Variants in TRPM3 observed in about 807,000 individuals in gnomAD.
TRPM3 encodes the protein transient receptor potential cation channel subfamily M member 3.
Under a neutral mutation model 181.2 loss-of-function variants are expected in TRPM3, and 77 were observed. The observed-to-expected ratio is 0.42, with a 90% CI of 0.35 to 0.51. TRPM3 has a LOEUF of 0.51. TRPM3 is among the 20% of genes least tolerant of loss of function. TRPM3 has a pLI of 0.01. For synonymous variants in TRPM3, 745 were observed against 796.4 expected, an observed-to-expected ratio of 0.94 and a Z score of 1.09; for missense variants, 1,759 against 2,196.7, an observed-to-expected ratio of 0.80 and a Z score of 3.98.
chr9:70,811,241 C>G, intron 6 of TRPM3: 1 of 1,607,276 alleles, frequency 6.2e-7, no homozygotes, highest in South Asian at 1.1e-5. Flanking sequence ...AAACGGCAGG[C>G]ATCCTGTCAA....
intron 3 of TRPM3, among the ~76,000 whole-genome samples, chr9:70,855,489 A>C (rs532833695): frequency 2.0e-5 from 3 of 152,206 alleles, no homozygotes; most frequent in Non-Finnish European, 4.4e-5. Context: ...TCTCTCGGAA[A>C]TATTAAATGA....
rs568101397 is a variant in TRPM3, at chr9:70,855,481, T to C, written c.462+7427A>G. Among the ~76,000 whole-genome samples the C allele has an allele frequency of 2.0e-5, 3 of 152,296 alleles. No individual in the cohort carries two copies. The South Asian group carries it at 6.2e-4, about 32-fold the overall frequency. The stretch of plus-strand genomic sequence containing the variant: ...TGCAGAACAATGAATCTGGCTACTC[T>C]CTCGGAAATATTAAATGACAGGTCC... On this transcript the variant is annotated intron_variant, in intron 3 of 25. Coordinates refer to ENST00000677713, the MANE Select transcript of TRPM3 (RefSeq NM_001366145.2).
chr9:70,665,265 CTG>C (rs2061689988), intron 9 of TRPM3, among the ~76,000 whole-genome samples: 2 of 152,008 alleles, frequency 1.3e-5, no homozygotes, highest in African/African-American at 4.8e-5. Context: ...CTCTGAAGAA[CTG>C]TTCTTAGTTT....
intron 1 of TRPM3, among the ~76,000 whole-genome samples, chr9:71,227,312 G>A (rs1190838300): frequency 6.6e-6 from 1 of 151,714 alleles, no homozygotes; most frequent in Non-Finnish European, 1.5e-5. Context: ...AATGATAAAG[G>A]AGCCACACAT....
chr9:71,334,096 T>G (rs2090399001), intron 1 of TRPM3, among the ~76,000 whole-genome samples: 1 of 151,812 alleles, frequency 6.6e-6, no homozygotes, highest in African/African-American at 2.4e-5. Flanking sequence ...CTAATTTTTC[T>G]TCTAAAGTAT....
rs186960943 is a variant in TRPM3 at position 71,335,088 on chromosome 9, C to T, written c.183+111565G>A. On this transcript the variant is annotated intron_variant, in intron 1 of 24. Transcript: ENST00000357533. ...CTAGAAGGTATTAGGAAGGAGATCA[C>T]GGGTAACCAAAAAATTATGGATAAA... is the stretch of plus-strand genomic sequence containing the variant. Among the ~76,000 whole-genome samples, 7 of 152,146 alleles carry T rather than the reference C, an allele frequency of 4.6e-5. No individual in the cohort carries two copies. The East Asian group carries it at 7.7e-4, about 17-fold the overall frequency.
rs991962922 is a variant in TRPM3, at chr9:71,160,978, G to A, written c.183+285675C>T. Reference sequence around the variant, plus strand: ...TCCCAATTCAATGTAAATCAATTCAGCCTAATTAAATGGGAAGTTTCCTCC... The same window carrying A: ...TCCCAATTCAATGTAAATCAATTCAACCTAATTAAATGGGAAGTTTCCTCC... On this transcript the variant is annotated intron_variant, in intron 1 of 24. Coordinates refer to the TRPM3 transcript ENST00000357533. Among the ~76,000 whole-genome samples, 4 of 152,060 alleles carry A rather than the reference G, an allele frequency of 2.6e-5. No homozygotes were observed. The South Asian group carries it at 8.3e-4, about 32-fold the overall frequency.
chr9:70,685,606 T>C (rs1198132078), intron 8 of TRPM3, among the ~76,000 whole-genome samples: 3 of 152,150 alleles, frequency 2.0e-5, no homozygotes, highest in African/African-American at 7.2e-5. Context: ...GGGGTCTCAC[T>C]ATGTTGCCCA....
chr9:71,376,130 G>A (rs2092659698), intron 1 of TRPM3, among the ~76,000 whole-genome samples: 1 of 151,874 alleles, frequency 6.6e-6, no homozygotes, highest in Non-Finnish European at 1.5e-5. Context: ...AATTTGGGTG[G>A]TGAGGAGGTG....
intron 1 of TRPM3, among the ~76,000 whole-genome samples, chr9:71,029,960 G>T (rs2057080502): frequency 6.6e-6 from 1 of 151,984 alleles, no homozygotes; most frequent in African/African-American, 2.4e-5. Flanking sequence ...CTACTCAAGG[G>T]GTCCAAGTAC....
At chr9:70,844,904 G>A (rs1423264424) in intron 4 of TRPM3, among the ~76,000 whole-genome samples, 2 of 152,164 alleles carry the variant, frequency 1.3e-5, no homozygotes, top group African/African-American at 4.8e-5. Flanking sequence ...ATAATCACAA[G>A]CCAATGAGGC....
At chr9:71,082,123 TGTTCA>T (rs72214675) in intron 1 of TRPM3, among the ~76,000 whole-genome samples, 35,213 of 151,900 alleles carry the variant, frequency 0.23, 4,746 homozygotes, top group East Asian at 0.39. Context: ...GTTAAGTGTG[TGTTCA>T]GTTATCAGTC....
intron 1 of TRPM3, among the ~76,000 whole-genome samples, chr9:71,267,716 C>T (rs112406172): frequency 0.011 from 1,644 of 152,112 alleles, 26 homozygotes; most frequent in East Asian, 0.075. Flanking sequence ...TTTTAAATGC[C>T]CAGCCACACA....
At chr9:71,352,786 T>C (rs2091712902) in intron 1 of TRPM3, among the ~76,000 whole-genome samples, 1 of 152,132 alleles carries the variant, frequency 6.6e-6, no homozygotes, top group African/African-American at 2.4e-5. Flanking sequence ...CCTTTGTCTA[T>C]CTCAGGCACC....
At chr9:71,021,198 T>C (rs980419401) in intron 1 of TRPM3, among the ~76,000 whole-genome samples, 2 of 152,180 alleles carry the variant, frequency 1.3e-5, no homozygotes, top group African/African-American at 4.8e-5. Context: ...GTGTTTGAAG[T>C]CAGAATAATG....
chr9:70,862,814 G>T, intron 3 of TRPM3, 94 bp downstream of exon 3: 1 of 1,278,766 alleles, frequency 7.8e-7, no homozygotes, highest in Non-Finnish European at 1.1e-6. Flanking sequence ...TGGAGATTAG[G>T]CCCAAAGACT....
intron 1 of TRPM3, among the ~76,000 whole-genome samples, chr9:71,288,106 A>G (rs2085455337): frequency 6.6e-6 from 1 of 151,934 alleles, no homozygotes; most frequent in South Asian, 2.1e-4. Flanking sequence ...AAGTTTTACA[A>G]CATTTGCTTT....
At chr9:71,344,442 C>T (rs1221618364) in intron 1 of TRPM3, among the ~76,000 whole-genome samples, 1 of 151,156 alleles carries the variant, frequency 6.6e-6, no homozygotes, top group African/African-American at 2.4e-5. Flanking sequence ...TAGAGTGAGA[C>T]TCCATCTCAA....
chr9:71,390,061 C>T (rs2093025682), intron 1 of TRPM3, among the ~76,000 whole-genome samples: 1 of 152,022 alleles, frequency 6.6e-6, no homozygotes, highest in South Asian at 2.1e-4. Flanking sequence ...ACACAGTTAT[C>T]TACATTCTCC....
Sources: allele counts gnomAD v4.1 joint callset (sites outside exome capture counted in the v4.1 genomes callset), GRCh38; gene constraint gnomAD v4.1.1; transcripts MANE v1.5; gene names NCBI Gene and HGNC (gene_info 2026-07-23, HGNC 2026-07-21).